The following IL16 variants were observed in gnomAD, a reference collection of about 807,000 sequenced individuals.
IL16 encodes the protein interleukin 16, also known as pro-interleukin-16.
Under a neutral mutation model 110.1 loss-of-function variants are expected in IL16, and 67 were observed. The ratio of observed to expected loss-of-function variants is 0.61; its 90% CI spans 0.50 to 0.75. The LOEUF is 0.75. IL16 is among the 30% of genes least tolerant of loss of function. The probability of loss-of-function intolerance (pLI) is 0.00; values close to 1 mark genes in which losing one functional copy is unlikely to be tolerated. For synonymous variants in IL16, 689 were observed against 662.9 expected (o/e 1.04, Z -0.61); for missense variants, 1,545 against 1,655.0 (o/e 0.93, Z 1.15).
At chr15:81,190,205 G>A (rs1566987125) in intron 1 of IL16, among the ~76,000 whole-genome samples, 3 of 152,240 alleles carry the variant, frequency 2.0e-5, no homozygotes, top group East Asian at 1.9e-4. Flanking sequence ...CTTCTCCCCC[G>A]GGTGTGTCAC....
At chr15:81,299,223 G>T in intron 13 of IL16, 157 bp from the exon 14 acceptor site, 1 of 1,180,974 alleles carries the variant, frequency 8.5e-7, no homozygotes, top group Non-Finnish European at 1.3e-6. Context: ...GCTCAGTCAG[G>T]TAATAGCACC....
chr15:81,286,504 G>A (rs1349024531), intron 10 of IL16, among the ~76,000 whole-genome samples: 1 of 152,156 alleles, frequency 6.6e-6, no homozygotes, highest in Non-Finnish European at 1.5e-5. Flanking sequence ...ACAGATGTTG[G>A]CAGGGCATTG....
chr15:81,249,236 A>G (rs1216140159), intron 2 of IL16, among the ~76,000 whole-genome samples: 2 of 152,184 alleles, frequency 1.3e-5, no homozygotes, highest in Non-Finnish European at 2.9e-5. Context: ...ATAACATATT[A>G]TTATTACTTC....
Position 81,297,092 on chromosome 15 carries a change from G to A in IL16, c.2053+14G>A. ...GAGCCAGCCCAGGTAAGCTTTCATT[G>A]AGATCTTCCAAAAGGAAGGGTCTTT... is the stretch of plus-strand genomic sequence containing the variant. On this transcript the variant is annotated intron_variant, in intron 13 of 18. Coordinates refer to ENST00000683961, the MANE Select transcript of IL16 (RefSeq NM_172217.5). 4.4e-6 allele frequency: 7 copies of A among 1,600,456 alleles called. No individual in the cohort carries two copies. Among genetic ancestry groups the A allele is most frequent in the Non-Finnish European group, 5.1e-6 (6 of 1,174,396 alleles).
At chr15:81,182,765 C>A in exon 1 of IL16, 1 of 703,478 alleles carries the variant, frequency 1.4e-6, no homozygotes, top group Non-Finnish European at 2.2e-6. Flanking sequence ...ATACTCCCAG[C>A]CGAGAAGCTG....
chr15:81,265,160 T>C, intron 3 of IL16, among the ~76,000 whole-genome samples: 1 of 152,218 alleles, frequency 6.6e-6, no homozygotes, highest in Middle Eastern at 3.2e-3. Flanking sequence ...AATCAAGAGT[T>C]GTCTCCGTGT....
chr15:81,291,795 C>G (rs756070096), intron 11 of IL16: 2 of 410,850 alleles, frequency 4.9e-6, no homozygotes, highest in Non-Finnish European at 1.0e-5. Flanking sequence ...TCACCTCACC[C>G]TCAACTGGAA....
At chr15:81,200,327 ATT>A (rs1017775381) in intron 1 of IL16, among the ~76,000 whole-genome samples, 1 of 151,402 alleles carries the variant, frequency 6.6e-6, no homozygotes, top group African/African-American at 2.4e-5. Context: ...GTAAGTCAAG[ATT>A]TTTTTAATTT....
intron 1 of IL16, among the ~76,000 whole-genome samples, chr15:81,219,197 G>A (rs1332192246): frequency 6.6e-6 from 1 of 152,168 alleles, no homozygotes; most frequent in Admixed American, 6.5e-5. Context: ...TAACGACACT[G>A]TGTGGACATC....
intron 2 of IL16, among the ~76,000 whole-genome samples, chr15:81,259,215 C>T (rs1376579059): frequency 6.6e-6 from 1 of 152,114 alleles, no homozygotes; most frequent in African/African-American, 2.4e-5. Context: ...ATTTATATAA[C>T]ATTCATTCCG....
intron 9 of IL16, among the ~76,000 whole-genome samples, chr15:81,285,203 A>AT (rs1401519818): frequency 1.3e-5 from 2 of 151,176 alleles, no homozygotes; most frequent in Non-Finnish European, 2.9e-5. Context: ...CTGTTGAGTT[A>AT]TTTTTTCTCT....
intron 1 of IL16, among the ~76,000 whole-genome samples, chr15:81,219,921 C>CA (rs1896558278): frequency 1.3e-5 from 2 of 151,872 alleles, no homozygotes; most frequent in African/African-American, 2.4e-5. Flanking sequence ...GCTTTGGGGA[C>CA]AAAAAATGAA....
At chr15:81,284,338 T>A (rs376037238) in intron 9 of IL16, among the ~76,000 whole-genome samples, 21 of 152,230 alleles carry the variant, frequency 1.4e-4, no homozygotes, top group African/African-American at 4.8e-4. Context: ...CATCCCTGCT[T>A]ATGATGCTGT....
rs143316072 is a variant in IL16, at chr15:81,289,144, G to A, written c.1333-1309G>A. Among the ~76,000 whole-genome samples the A allele has an allele frequency of 3.6e-3, 552 of 152,148 alleles. 2 individuals carry two copies. The highest frequency in any genetic ancestry group is 0.013 in the African/African-American group (533 of 41,492). ...TTCTCCATATCCTTGCCAATACTTT[G>A]TTATTTTCTTTTCTTTTTTTGAGAC... is the stretch of plus-strand genomic sequence containing the variant. On this transcript the variant is annotated intron_variant, in intron 10 of 18. Transcript: ENST00000683961.
At chr15:81,227,438 G>T (rs115181145) in intron 2 of IL16, among the ~76,000 whole-genome samples, 1 of 152,104 alleles carries the variant, frequency 6.6e-6, no homozygotes, top group Non-Finnish European at 1.5e-5. Flanking sequence ...GGTGCATCAC[G>T]TGCCCACCTG....
chr15:81,208,782 C>T (rs1409636435), intron 1 of IL16, among the ~76,000 whole-genome samples: 1 of 152,150 alleles, frequency 6.6e-6, no homozygotes, highest in East Asian at 1.9e-4. Context: ...GGCAATATGG[C>T]ACAGGGGTTA....
intron 2 of IL16, among the ~76,000 whole-genome samples, chr15:81,231,383 C>CTCTCTCT (rs1896981342): frequency 9.4e-5 from 4 of 42,682 alleles, no homozygotes; most frequent in Admixed American, 3.0e-4. Context: ...TCTCTCTCTC[C>CTCTCTCT]CTCTCTTAAG....
chr15:81,298,458 A>T (rs1423152614), intron 13 of IL16, among the ~76,000 whole-genome samples: 1 of 151,832 alleles, frequency 6.6e-6, no homozygotes, highest in Non-Finnish European at 1.5e-5. Flanking sequence ...TCTGAGAAAG[A>T]CTCCTATGTG....
chr15:81,303,729 G>C lies in IL16; in HGVS notation c.3420+79G>C. The C allele has an allele frequency of 2.1e-6, 2 of 942,428 alleles. No homozygotes were observed. Among genetic ancestry groups the C allele is most frequent in the South Asian group, 2.7e-5 (2 of 73,914 alleles). 58.4% of individuals were successfully genotyped at this position (942,428 alleles called of 1,614,324 possible). On this transcript the variant is annotated intron_variant, in intron 16 of 18. Coordinates refer to ENST00000683961, the MANE Select transcript of IL16 (RefSeq NM_172217.5). The surrounding 1 kb of genome is among the most constrained non-coding windows in gnomAD (Gnocchi z 4.1). ...AGGGGGACACACTTGCCAGGAAGGG[G>C]CCCTGTGCTGGGGAAATGAAGAATG...
Sources: gnomAD v4.1 joint callset for allele counts (sites outside exome capture counted in the v4.1 genomes callset) on GRCh38, gnomAD v4.1.1 for gene constraint, Gnocchi (gnomAD v3.1) non-coding constraint, MANE v1.5 for transcripts, NCBI Gene and HGNC (gene_info 2026-07-23, HGNC 2026-07-21) for gene names.